Variants in NXPE2 observed in about 807,000 individuals in gnomAD.
NXPE2 encodes NXPE family member 2.
In NXPE2, 34 loss-of-function variants were observed where a neutral mutation model predicts 34.4. The observed-to-expected ratio is 0.99, with a 90% CI of 0.75 to 1.31. The LOEUF is 1.31. Ranked by LOEUF, NXPE2 falls within the 40% of genes most tolerant of loss-of-function variation. The pLI is 0.00. For synonymous variants in NXPE2, 235 were observed against 231.3 expected, an observed-to-expected ratio of 1.02 and a Z score of -0.15; for missense variants, 649 against 672.5, an observed-to-expected ratio of 0.97 and a Z score of 0.39.
the NXPE2 span, among the ~76,000 whole-genome samples, chr11:114,790,929 C>T: frequency 6.7e-6 from 1 of 150,134 alleles, no homozygotes. Context: ...TAGATTTAAG[C>T]ACATGCCCTC....
At chr11:114,605,797 T>C in the NXPE2 span, among the ~76,000 whole-genome samples, 2 of 151,720 alleles carry the variant, frequency 1.3e-5, no homozygotes, top group Non-Finnish European at 2.9e-5. Flanking sequence ...AAGTATTGCC[T>C]CTAGGGTTAC....
At chr11:114,777,823 G>C in the NXPE2 span, among the ~76,000 whole-genome samples, 1 of 152,106 alleles carries the variant, frequency 6.6e-6, no homozygotes, top group Non-Finnish European at 1.5e-5. Context: ...CTGTGAAATG[G>C]GTTTAATAAG....
the NXPE2 span, among the ~76,000 whole-genome samples, chr11:114,466,857 G>C: frequency 6.6e-6 from 1 of 152,050 alleles, no homozygotes; most frequent in Non-Finnish European, 1.5e-5. Context: ...TTTATTGCAG[G>C]GGGAAGATGG....
At chr11:114,606,592 T>G in the NXPE2 span, among the ~76,000 whole-genome samples, 1 of 150,946 alleles carries the variant, frequency 6.6e-6, no homozygotes, top group Non-Finnish European at 1.5e-5. Context: ...AGTATTTCCT[T>G]GTGGGTAACC....
At chr11:114,489,664 A>G in the NXPE2 span, among the ~76,000 whole-genome samples, 1 of 152,242 alleles carries the variant, frequency 6.6e-6, no homozygotes. Context: ...ACAACGCTTC[A>G]TGCTAGAAAC....
downstream of NXPE2, among the ~76,000 whole-genome samples, chr11:114,708,917 ACCTTCTC>A (rs1859555900): frequency 6.6e-6 from 1 of 152,190 alleles, no homozygotes; most frequent in South Asian, 2.1e-4. Flanking sequence ...TAGTTTTCTT[ACCTTCTC>A]TTCACATGCA....
the NXPE2 span, among the ~76,000 whole-genome samples, chr11:114,494,390 C>CT: frequency 5.3e-5 from 8 of 151,706 alleles, no homozygotes; most frequent in East Asian, 1.9e-4. Flanking sequence ...CTTTTTTATT[C>CT]TTTTTTTTCT....
the NXPE2 span, among the ~76,000 whole-genome samples, chr11:114,589,973 T>C: frequency 6.6e-6 from 1 of 152,194 alleles, no homozygotes; most frequent in Admixed American, 6.5e-5. Flanking sequence ...TTTACAGTCT[T>C]AGATTTAAAG....
chr11:114,642,926 A>T, the NXPE2 span, among the ~76,000 whole-genome samples: 102,425 of 151,866 alleles, frequency 0.67, 34,924 homozygotes, highest in African/African-American at 0.75. Context: ...CCAGCATCGG[A>T]TGTTTCCTGA....
downstream of NXPE2, among the ~76,000 whole-genome samples, chr11:114,710,297 C>CA (rs930362199): frequency 4.6e-5 from 7 of 151,634 alleles, no homozygotes; most frequent in Non-Finnish European, 1.0e-4. Context: ...TAGAAAAGAT[C>CA]AAAAAAACTA....
intron 2 of NXPE2, among the ~76,000 whole-genome samples, chr11:114,697,062 T>C (rs906410856): frequency 6.6e-6 from 1 of 152,196 alleles, no homozygotes; most frequent in African/African-American, 2.4e-5. Flanking sequence ...TTTCTCTCTC[T>C]CAAAATATCT....
chr11:114,628,375 A>G, the NXPE2 span, among the ~76,000 whole-genome samples: 9 of 152,294 alleles, frequency 5.9e-5, no homozygotes, highest in South Asian at 4.1e-4. Context: ...CTCACTCAAA[A>G]CCACTGAACT....
chr11:114,762,925 T>A, the NXPE2 span, among the ~76,000 whole-genome samples: 1 of 152,138 alleles, frequency 6.6e-6, no homozygotes, highest in East Asian at 1.9e-4. Flanking sequence ...TCATCGTGAC[T>A]TCAACATCTA....
chr11:114,732,458 A>G, the NXPE2 span, among the ~76,000 whole-genome samples: 1 of 152,210 alleles, frequency 6.6e-6, no homozygotes, highest in African/African-American at 2.4e-5. Flanking sequence ...CCCTGAGAGC[A>G]ATCTCCAGAA....
chr11:114,684,902 A>T (rs189751729), intron 2 of NXPE2, among the ~76,000 whole-genome samples: 7 of 152,270 alleles, frequency 4.6e-5, no homozygotes, highest in Admixed American at 2.6e-4. Context: ...GGAACACAGA[A>T]ATTTAGGTAT....
chr11:114,537,491 G>C, the NXPE2 span, among the ~76,000 whole-genome samples: 1 of 152,162 alleles, frequency 6.6e-6, no homozygotes, highest in African/African-American at 2.4e-5. Flanking sequence ...AAGTCAGATT[G>C]TCCCTGTTTG....
chr11:114,618,876 G>A, the NXPE2 span, among the ~76,000 whole-genome samples: 4 of 151,832 alleles, frequency 2.6e-5, no homozygotes, highest in Non-Finnish European at 5.9e-5. Flanking sequence ...ATTGCCTCAT[G>A]GGTCACCACT....
intron 2 of NXPE2, 23 bp downstream of exon 2, chr11:114,679,785 A>G: frequency 7.0e-7 from 1 of 1,435,938 alleles, no homozygotes; most frequent in Non-Finnish European, 9.6e-7. Context: ...ATTTTTAAGA[A>G]TTTCACAGAA....
chr11:114,535,987 C>T, the NXPE2 span, among the ~76,000 whole-genome samples: 5 of 152,168 alleles, frequency 3.3e-5, no homozygotes, highest in Admixed American at 2.0e-4. Context: ...ACATTCTTTT[C>T]AGCACCACAC....
Sources: allele counts gnomAD v4.1 joint callset (sites outside exome capture counted in the v4.1 genomes callset), GRCh38; gene constraint gnomAD v4.1.1; transcripts MANE v1.5; gene names NCBI Gene and HGNC (gene_info 2026-07-23, HGNC 2026-07-21).